SHC3: variants seen among roughly 807,000 people sequenced by gnomAD.
The protein encoded by SHC3 is SHC adaptor protein 3.
A neutral mutation model predicts 60.4 loss-of-function variants in SHC3; 15 were observed. The ratio of observed to expected loss-of-function variants is 0.25; its 90% CI spans 0.17 to 0.38. The LOEUF (loss-of-function observed/expected upper bound fraction) is 0.38, where lower values mean the gene tolerates loss of function less well. Among genes scored for constraint, SHC3 ranks in the 10% least tolerant of loss-of-function variants. SHC3 has a pLI of 1.00. For missense variants in SHC3, 677 were observed against 786.1 expected (o/e 0.86, Z 1.66); for synonymous variants, 294 against 325.9 (o/e 0.90, Z 1.05).
intron 2 of SHC3, among the ~76,000 whole-genome samples, chr9:89,079,251 C>A (rs1343959474): frequency 6.6e-6 from 1 of 152,250 alleles, no homozygotes; most frequent in African/African-American, 2.4e-5. Flanking sequence ...ATCTAAAGTA[C>A]TTTCTAAAAG....
At chr9:89,064,726 T>A (rs1333545534) in intron 6 of SHC3, among the ~76,000 whole-genome samples, 1 of 152,084 alleles carries the variant, frequency 6.6e-6, no homozygotes, top group African/African-American at 2.4e-5. Context: ...ATATCCAAGG[T>A]ATAGCATTGG....
At chr9:89,139,692 T>C (rs1167509944) in intron 1 of SHC3, among the ~76,000 whole-genome samples, 2 of 152,230 alleles carry the variant, frequency 1.3e-5, no homozygotes, top group East Asian at 3.8e-4. Context: ...GGCCAGTTTC[T>C]TCAAGGGGCT....
At chr9:89,125,162 A>C (rs1165730303) in intron 1 of SHC3, among the ~76,000 whole-genome samples, 4 of 152,146 alleles carry the variant, frequency 2.6e-5, no homozygotes, top group Non-Finnish European at 4.4e-5. Context: ...AGCAGCATCA[A>C]CATCAACCAG....
intron 1 of SHC3, 31 bp downstream of exon 1, chr9:89,177,956 A>C (rs900581834): frequency 8.3e-7 from 1 of 1,200,394 alleles, no homozygotes; most frequent in Non-Finnish European, 1.0e-6. Flanking sequence ...CAGAACCCCC[A>C]GCCCCCAGGG....
intron 11 of SHC3, among the ~76,000 whole-genome samples, chr9:89,030,720 T>C (rs1824472985): frequency 6.6e-6 from 1 of 152,212 alleles, no homozygotes. Context: ...AGAACCCAAA[T>C]AGATGTAGTC....
chr9:89,071,133 T>C (rs1475442376), intron 5 of SHC3, 66 bp downstream of exon 5: 2 of 1,491,248 alleles, frequency 1.3e-6, no homozygotes, highest in Non-Finnish European at 1.9e-6. Flanking sequence ...AGGCATATTA[T>C]TGAAGCAGGG....
intron 6 of SHC3, among the ~76,000 whole-genome samples, chr9:89,064,670 G>T (rs1167020436): frequency 6.6e-6 from 1 of 152,022 alleles, no homozygotes; most frequent in African/African-American, 2.4e-5. Flanking sequence ...CCATAAGGCC[G>T]CATCATGGAT....
intron 6 of SHC3, among the ~76,000 whole-genome samples, chr9:89,062,758 A>G (rs1340211028): frequency 1.3e-5 from 2 of 152,192 alleles, no homozygotes; most frequent in Non-Finnish European, 2.9e-5. Flanking sequence ...CCCAAATAAG[A>G]ACATTCACAC....
In SHC3 at chr9:89,011,393, T is replaced by C. The variant is rs558826442; in HGVS notation, c.*2054A>G. 6.6e-6 allele frequency: 1 copy of C among 152,326 alleles called. No homozygotes were observed. The highest frequency in any genetic ancestry group is 2.4e-5 in the African/African-American group (1 of 41,574). The allele number at this position is 152,326 out of a possible 1,614,324, so 9.4% of individuals were successfully genotyped here. A position where few individuals can be genotyped will look rare whatever the true frequency, so the allele number is the denominator to read the frequency against. On this transcript the variant is annotated 3_prime_UTR_variant, in exon 12 of 12. Coordinates refer to ENST00000375835, the MANE Select transcript of SHC3 (RefSeq NM_016848.6). ...TTCCTACTTTGCTATTGTCCCTGAA[T>C]GTTATAATAGCATTTTGACCTTTCA...
rs1825940704 is a variant in SHC3, at chr9:89,006,394, G to A, written c.*7053C>T. The A allele has an allele frequency of 6.6e-6, 1 of 152,178 alleles. No individual in the cohort carries two copies. Among genetic ancestry groups the A allele is most frequent in the Non-Finnish European group, 1.5e-5 (1 of 68,016 alleles). The allele number at this position is 152,178 out of a possible 1,614,324, so 9.4% of individuals were successfully genotyped here. On this transcript the variant is annotated 3_prime_UTR_variant, in exon 12 of 12. Coordinates refer to ENST00000375835, the MANE Select transcript of SHC3 (RefSeq NM_016848.6). ...AACTTAGGTTTTTTCATTTGTCATAGAACAAAGATTAGAGAACTTGAAATT... is the reference window on the plus strand; with the variant it reads ...AACTTAGGTTTTTTCATTTGTCATAAAACAAAGATTAGAGAACTTGAAATT...
chr9:89,037,139 A>ACTGAGTCTTGGCAC (rs376672945), intron 11 of SHC3, among the ~76,000 whole-genome samples: 1 of 152,152 alleles, frequency 6.6e-6, no homozygotes. Flanking sequence ...TATTCAGGCA[A>ACTGAGTCTTGGCAC]CTGAGTCTTG....
intron 1 of SHC3, among the ~76,000 whole-genome samples, chr9:89,136,469 C>T: frequency 6.6e-6 from 1 of 152,172 alleles, no homozygotes; most frequent in East Asian, 1.9e-4. Context: ...TGATCCTCCT[C>T]ACTGCTACAT....
At chr9:89,072,180 A>G (rs1424816375) in intron 4 of SHC3, among the ~76,000 whole-genome samples, 5 of 152,174 alleles carry the variant, frequency 3.3e-5, no homozygotes, top group African/African-American at 1.2e-4. Flanking sequence ...CATGGTTTTC[A>G]TTATTAAAAT....
chr9:89,041,847 G>A (rs1467457628), intron 10 of SHC3, among the ~76,000 whole-genome samples, 179 bp downstream of exon 10: 1 of 152,212 alleles, frequency 6.6e-6, no homozygotes, highest in Non-Finnish European at 1.5e-5. Context: ...ACTACAGAGA[G>A]GGCTATAATC....
chr9:89,076,567 C>T (rs74832694), intron 3 of SHC3, among the ~76,000 whole-genome samples: 1 of 146,422 alleles, frequency 6.8e-6, no homozygotes, highest in Middle Eastern at 3.3e-3. Flanking sequence ...CTAATCCAGG[C>T]TTTTTTTTTT....
intron 11 of SHC3, among the ~76,000 whole-genome samples, chr9:89,018,915 C>T (rs545616216): frequency 6.6e-5 from 10 of 151,404 alleles, no homozygotes; most frequent in African/African-American, 2.2e-4. Flanking sequence ...AAAAATTAGC[C>T]GGACGTCATG....
Position 89,096,600 on chromosome 9 carries a change from CTT to C in SHC3, c.545+15954_545+15955del, listed in dbSNP as rs1416068872. Among the ~76,000 whole-genome samples the C allele has an allele frequency of 2.0e-5, 3 of 152,114 alleles. No individual in the cohort carries two copies. The East Asian group carries it at 5.8e-4, about 29-fold the overall frequency. ...CCCCAAGCCCTCTTTTTGTACATTT[CTT>C]TGTTTTCTAAAATTTCTCTAGTGCA... On this transcript the variant is annotated intron_variant, in intron 2 of 11. Coordinates refer to ENST00000375835, the MANE Select transcript of SHC3 (RefSeq NM_016848.6).
chr9:89,151,466 G>T (rs1826545154), intron 1 of SHC3, among the ~76,000 whole-genome samples: 1 of 152,164 alleles, frequency 6.6e-6, no homozygotes, highest in African/African-American at 2.4e-5. Context: ...TGAATGACAT[G>T]AGAAGGAGCC....
At position 89,124,447 on chromosome 9, in the gene SHC3, A is replaced by T. The variant is rs542765463; in HGVS notation, c.475-11821T>A. 2.0e-5 allele frequency among the ~76,000 whole-genome samples: 3 copies of T among 152,346 alleles called. No individual in the cohort carries two copies. The South Asian group carries it at 6.2e-4, about 32-fold the overall frequency. ...AGACTTGGAACCAACCCAAATGCCC[A>T]TCAATGATACACTGGATAAAGAAAA... On this transcript the variant is annotated intron_variant, in intron 1 of 11. Coordinates refer to ENST00000375835, the MANE Select transcript of SHC3 (RefSeq NM_016848.6).
Sources: allele counts gnomAD v4.1 joint callset (sites outside exome capture counted in the v4.1 genomes callset), GRCh38; gene constraint gnomAD v4.1.1; transcripts MANE v1.5; gene names NCBI Gene and HGNC (gene_info 2026-07-23, HGNC 2026-07-21).